SIGLEC11: variants seen among roughly 807,000 people sequenced by gnomAD.
SIGLEC11 encodes the protein sialic acid binding Ig like lectin 11.
In SIGLEC11, 47 loss-of-function variants were observed where a neutral mutation model predicts 61.2. The observed-to-expected ratio is 0.77, with a 90% CI of 0.61 to 0.98. The LOEUF is 0.98. SIGLEC11 is among the 50% of genes least tolerant of loss of function. The pLI is 0.00. For synonymous variants in SIGLEC11, 278 were observed against 373.1 expected, an observed-to-expected ratio of 0.75 and a Z score of 2.94; for missense variants, 610 against 870.3, an observed-to-expected ratio of 0.70 and a Z score of 3.76.
chr19:49,958,961 G>A, intron 6 of SIGLEC11, 61 bp from the exon 7 acceptor site: 1 of 1,612,972 alleles, frequency 6.2e-7, no homozygotes, highest in Admixed American at 1.7e-5. Context: ...TCCTGTGTGG[G>A]GACCCTCCAG....
At chr19:49,956,835 A>G (rs1443419531) in intron 8 of SIGLEC11, among the ~76,000 whole-genome samples, 5 of 152,232 alleles carry the variant, frequency 3.3e-5, no homozygotes. Context: ...ACAAAAATGA[A>G]GAATGTTATC....
chr19:49,953,697 G>C (rs950440613), intron 8 of SIGLEC11, among the ~76,000 whole-genome samples: 11 of 152,150 alleles, frequency 7.2e-5, no homozygotes, highest in Admixed American at 2.6e-4. Flanking sequence ...CTACAGCTCA[G>C]AGTTGTAGCA....
At position 49,958,711 on chromosome 19, in the gene SIGLEC11, C is replaced by T. The variant is rs1354128620; in HGVS notation, c.1295G>A (p.Gly432Glu). The T allele has an allele frequency of 7.4e-6, 12 of 1,613,308 alleles. No homozygotes were observed. The highest frequency in any genetic ancestry group is 1.0e-5 in the Non-Finnish European group (12 of 1,179,596). Residue 432 changes from glycine (G) to glutamate (E), a missense_variant, in exon 7 of 11, where the codon GGA becomes GAA. Gly to Glu is a moderately conservative substitution (Grantham distance 98). Transcript: ENST00000447370. ...ELPPIQMEHE[G>E]EFTCHAQHPL... ...GTGCTGAGCGTGGCAGGTGAACTCT[C>T]CTTCGTGCTCCATTTGAATGGGTGG...
chr19:49,958,793 G>T lies in SIGLEC11; in HGVS notation c.1213C>A (p.Arg405=). ...GAGGGGCCCACGGTCTGTCCCCACC[G>T]GGTCCAGCTCAGCCTGGCTGGGGGG... is the stretch of plus-strand genomic sequence containing the variant. The part of the protein sequence containing the change: ...SSPPARLSWT[R]WGQTVGPSQP... The change falls in exon 7 of 11, where the codon CGG becomes AGG. Residue 405 remains arginine, a synonymous_variant. Transcript: ENST00000447370. 6.2e-7 allele frequency: 1 copy of T among 1,612,574 alleles called. No homozygotes were observed. Among genetic ancestry groups the T allele is most frequent in the Non-Finnish European group, 8.5e-7 (1 of 1,179,286 alleles).
Position 49,951,606 on chromosome 19 carries a change from C to G in SIGLEC11, c.1830+285G>C, listed in dbSNP as rs1368751962. The stretch of plus-strand genomic sequence containing the variant: ...GAGATAGGAGGGAGGGCAAAGGAGT[C>G]GGGGATGCAGGAGGAAATGAGGAGT... On this transcript the variant is annotated intron_variant, in intron 10 of 10. Coordinates refer to ENST00000447370, the MANE Select transcript of SIGLEC11 (RefSeq NM_052884.3). The surrounding 1 kb of genome is among the most constrained non-coding windows in gnomAD (Gnocchi z 4.6). Among the ~76,000 whole-genome samples, 1 of 151,960 alleles carries G rather than the reference C, an allele frequency of 6.6e-6. No individual in the cohort carries two copies. The highest frequency in any genetic ancestry group is 2.1e-4 in the South Asian group (1 of 4,814).
chr19:49,953,364 C>T (rs1265832877), intron 8 of SIGLEC11, among the ~76,000 whole-genome samples: 1 of 152,082 alleles, frequency 6.6e-6, no homozygotes, highest in Non-Finnish European at 1.5e-5. Flanking sequence ...AACAGTCCGA[C>T]CCAGAGGGGT....
chr19:49,954,423 G>T (rs1600610689), intron 8 of SIGLEC11, among the ~76,000 whole-genome samples: 1 of 152,206 alleles, frequency 6.6e-6, no homozygotes, highest in African/African-American at 2.4e-5. Flanking sequence ...CAAGCAGGCT[G>T]TCTCAGATCT....
In SIGLEC11 at chr19:49,961,071, C is replaced by T. The variant is rs1268330340; in HGVS notation, c.11G>A (p.Gly4Glu). The T allele has an allele frequency of 1.5e-6, 2 of 1,340,102 alleles. No homozygotes were observed. The highest frequency in any genetic ancestry group is 4.1e-5 in the Admixed American group (2 of 48,310). 83.0% of individuals were successfully genotyped at this position (1,340,102 alleles called of 1,614,324 possible). A position where few individuals can be genotyped will look rare whatever the true frequency, so the allele number is the denominator to read the frequency against. Residue 4 changes from glycine to glutamate, a missense_variant, in exon 1 of 11, where the codon GGA (glycine) becomes GAA (glutamate). Coordinates refer to ENST00000447370, the MANE Select transcript of SIGLEC11 (RefSeq NM_052884.3). MVP[G>E]QAQPQSPEML... is the part of the protein sequence containing the mutation. ...CTCTGGGCTCTGGGGCTGGGCCTGT[C>T]CCGGGACCATCTGGCTTCTGGGCCG...
In SIGLEC11 at chr19:49,956,694, G is replaced by C. The variant is rs76796904; in HGVS notation, c.1651+1589C>G. Among the ~76,000 whole-genome samples the C allele has an allele frequency of 8.5e-5, 13 of 152,262 alleles. No individual in the cohort carries two copies. In the East Asian group the frequency reaches 2.1e-3, roughly 25 times the overall value. ...ATTCAATAGTATAGGCCAGCTACCT[G>C]GGCACAAAATGGGTCATGGGGATAC... is the stretch of plus-strand genomic sequence containing the variant. On this transcript the variant is annotated intron_variant, in intron 8 of 10. Transcript: ENST00000447370.
chr19:49,956,810 C>T (rs113650784), intron 8 of SIGLEC11, among the ~76,000 whole-genome samples: 1 of 152,100 alleles, frequency 6.6e-6, no homozygotes, highest in Admixed American at 6.5e-5. Context: ...ATTAGATTTA[C>T]TGGCCCAGCA....
chr19:49,956,292 A>G (rs2122898180), intron 8 of SIGLEC11, among the ~76,000 whole-genome samples: 1 of 152,368 alleles, frequency 6.6e-6, no homozygotes, highest in Non-Finnish European at 1.5e-5. Context: ...ACTGCTTAGG[A>G]CAGCAATATG....
At chr19:49,959,284 C>T (rs966705529) in intron 5 of SIGLEC11, 76 bp downstream of exon 5, 3 of 1,583,320 alleles carry the variant, frequency 1.9e-6, no homozygotes, top group Non-Finnish European at 1.7e-6. Context: ...ACCCCCTCAG[C>T]TCTGGGACCC....
chr19:49,957,915 C>T (rs191299621), intron 8 of SIGLEC11, among the ~76,000 whole-genome samples: 9 of 151,938 alleles, frequency 5.9e-5, no homozygotes, highest in African/African-American at 1.4e-4. Context: ...TGCTTGAATC[C>T]GGGAGGCAGA....
In SIGLEC11 at chr19:49,957,396, A is replaced by C. The variant is rs547149852; in HGVS notation, c.1651+887T>G. On this transcript the variant is annotated intron_variant, in intron 8 of 10. Transcript: ENST00000447370. ...AGGCAAGGCAAGGGTTAAAAAAAAAACAAAAAAAACCCAAGTCTTTCTATG... is the reference window on the plus strand; with the variant it reads ...AGGCAAGGCAAGGGTTAAAAAAAAACCAAAAAAAACCCAAGTCTTTCTATG... Among the ~76,000 whole-genome samples, 12 of 151,408 alleles carry C rather than the reference A, an allele frequency of 7.9e-5. No homozygotes were observed. The South Asian group carries it at 1.6e-3, about 20-fold the overall frequency.
intron 8 of SIGLEC11, among the ~76,000 whole-genome samples, chr19:49,954,314 G>C (rs1455738042): frequency 2.6e-5 from 4 of 152,128 alleles, no homozygotes; most frequent in African/African-American, 9.7e-5. Flanking sequence ...GAGGCCAACA[G>C]CCCTCCAGGA....
rs754674773 is a variant in SIGLEC11 at position 49,950,030 on chromosome 19, C to T, written c.2037G>A (p.Leu679=). The T allele has an allele frequency of 8.3e-6, 13 of 1,570,078 alleles. No homozygotes were observed. Among genetic ancestry groups the T allele is most frequent in the Non-Finnish European group, 1.0e-5 (12 of 1,154,212 alleles). Residue 679 remains leucine, a synonymous_variant, in exon 11 of 11, where the codon CTG becomes CTA. Coordinates refer to ENST00000447370, the MANE Select transcript of SIGLEC11 (RefSeq NM_052884.3). ...SEIKIHTGQP[L]RGPGFGLQLE... ...ATTGAAGCCCAAAGCCTGGGCCCCT[C>T]AGGGGCTGTCCTGTGTGGATCTTGA...
chr19:49,957,896 CAGG>C (rs909818853), intron 8 of SIGLEC11, among the ~76,000 whole-genome samples: 2 of 151,906 alleles, frequency 1.3e-5, no homozygotes, highest in African/African-American at 4.8e-5. Context: ...GTGGCTGAGG[CAGG>C]AGAATTGCTT....
In SIGLEC11 at chr19:49,960,317, G is replaced by C. The variant is rs1452581815; in HGVS notation, c.565C>G (p.Pro189Ala). The change falls in exon 3 of 11, where the codon CCT (proline) becomes GCT (alanine). Residue 189 changes from proline to alanine, a missense_variant. Pro to Ala is a conservative substitution (Grantham distance 27, BLOSUM62 -1). Coordinates refer to ENST00000447370, the MANE Select transcript of SIGLEC11 (RefSeq NM_052884.3). ...FNWAFKKCPAPSFSWTGAALS... is the reference protein window; with the variant it reads ...FNWAFKKCPAASFSWTGAALS... ...GCAGCCCCCGTCCAGGAGAAAGAAG[G>C]GGCTGGACATTTCTTGAAAGCCCAG... 6.2e-7 allele frequency: 1 copy of C among 1,603,840 alleles called. No individual in the cohort carries two copies.
chr19:49,954,645 T>C (rs886336630), intron 8 of SIGLEC11, among the ~76,000 whole-genome samples: 29 of 152,196 alleles, frequency 1.9e-4, no homozygotes, highest in African/African-American at 1.7e-4. Context: ...CAAGCTCTTA[T>C]AGATCTGACG....
Sources: gnomAD v4.1 joint callset for allele counts (sites outside exome capture counted in the v4.1 genomes callset) on GRCh38, gnomAD v4.1.1 for gene constraint, Gnocchi (gnomAD v3.1) non-coding constraint, MANE v1.5 for transcripts, NCBI Gene and HGNC (gene_info 2026-07-23, HGNC 2026-07-21) for gene names.